GPHN: variants seen among roughly 807,000 people sequenced by gnomAD.
GPHN encodes gephyrin.
GPHN carries 17 observed loss-of-function variants against 95.5 expected under a neutral mutation model. That is an observed-to-expected ratio of 0.18 (90% CI 0.12 to 0.27). The LOEUF (loss-of-function observed/expected upper bound fraction) is 0.27. Ranked by LOEUF, GPHN falls within the 10% of genes least tolerant of loss-of-function variation. GPHN has a pLI of 1.00. For synonymous variants in GPHN, 320 were observed against 322.5 expected (o/e 0.99, Z 0.08); for missense variants, 660 against 978.1 (o/e 0.67, Z 4.34).
intron 1 of GPHN, among the ~76,000 whole-genome samples, chr14:66,557,007 G>A (rs1398755928): frequency 6.6e-6 from 1 of 151,838 alleles, no homozygotes; most frequent in African/African-American, 2.4e-5. Flanking sequence ...AGACCTGCTT[G>A]GCCAAGATGA....
At chr14:67,371,427 A>C in the GPHN span, among the ~76,000 whole-genome samples, 1 of 152,158 alleles carries the variant, frequency 6.6e-6, no homozygotes, top group Non-Finnish European at 1.5e-5. Context: ...CCCACCAAAA[A>C]AAAAAAAGTT....
the GPHN span, chr14:67,382,698 C>A: frequency 1.6e-6 from 2 of 1,286,984 alleles, no homozygotes; most frequent in African/African-American, 1.5e-5. Flanking sequence ...GTAGGATGGT[C>A]ATTCAGGCCT....
At chr14:66,840,396 T>A (rs1333034820) in intron 4 of GPHN, among the ~76,000 whole-genome samples, 1 of 152,182 alleles carries the variant, frequency 6.6e-6, no homozygotes, top group African/African-American at 2.4e-5. Context: ...AATTCTAGTC[T>A]ATCTTTGCTC....
intron 8 of GPHN, among the ~76,000 whole-genome samples, chr14:66,940,299 T>C (rs970184941): frequency 2.0e-5 from 3 of 151,958 alleles, no homozygotes; most frequent in African/African-American, 7.3e-5. Flanking sequence ...AGGATGCAAT[T>C]GAAAGGGATA....
At chr14:67,514,053 A>G in the GPHN span, among the ~76,000 whole-genome samples, 1 of 152,226 alleles carries the variant, frequency 6.6e-6, no homozygotes, top group Non-Finnish European at 1.5e-5. Context: ...AGCCACAGCA[A>G]TAGCTCACTT....
the GPHN span, among the ~76,000 whole-genome samples, chr14:67,210,496 C>T: frequency 1.6e-3 from 243 of 152,108 alleles, no homozygotes; most frequent in African/African-American, 5.5e-3. Context: ...GCTGGAAAAG[C>T]AAAATTCCAA....
At chr14:67,516,199 G>A in the GPHN span, among the ~76,000 whole-genome samples, 4 of 152,150 alleles carry the variant, frequency 2.6e-5, no homozygotes, top group Admixed American at 2.0e-4. Flanking sequence ...GCCCCCATTC[G>A]CACGCCAAGC....
At chr14:66,854,892 G>A (rs2062735444) in intron 4 of GPHN, among the ~76,000 whole-genome samples, 1 of 148,670 alleles carries the variant, frequency 6.7e-6, no homozygotes, top group African/African-American at 2.5e-5. Flanking sequence ...CTGTCACCCA[G>A]ACTGGAGTGC....
the GPHN span, among the ~76,000 whole-genome samples, chr14:67,273,029 G>C: frequency 1.3e-5 from 2 of 151,902 alleles, no homozygotes; most frequent in Admixed American, 6.6e-5. Flanking sequence ...CCTAGTTGAG[G>C]ACCGCATTTC....
chr14:66,970,018 G>C (rs920867448), intron 9 of GPHN, among the ~76,000 whole-genome samples: 1 of 150,094 alleles, frequency 6.7e-6, no homozygotes, highest in African/African-American at 2.4e-5. Context: ...ATAGTCTATA[G>C]TCACATATGT....
chr14:67,333,032 G>A, the GPHN span: 4 of 1,295,726 alleles, frequency 3.1e-6, no homozygotes, highest in African/African-American at 1.5e-5. Context: ...CGACACTGCA[G>A]CAAGATTGAG....
chr14:66,696,945 A>T (rs867842807), intron 2 of GPHN, among the ~76,000 whole-genome samples: 4 of 152,282 alleles, frequency 2.6e-5, no homozygotes, highest in African/African-American at 7.2e-5. Context: ...GTCACTTTTT[A>T]AAAAAGTCTG....
the GPHN span, among the ~76,000 whole-genome samples, chr14:67,480,376 C>T: frequency 6.6e-6 from 1 of 152,148 alleles, no homozygotes; most frequent in East Asian, 1.9e-4. Flanking sequence ...ACAGACATCC[C>T]GGGAGACTGA....
chr14:67,645,793 A>T, the GPHN span: 1 of 1,613,952 alleles, frequency 6.2e-7, no homozygotes, highest in Non-Finnish European at 8.5e-7. Flanking sequence ...TCAGAGAACT[A>T]CAGGATAAGG....
intron 4 of GPHN, among the ~76,000 whole-genome samples, chr14:66,839,152 A>C (rs2061976539): frequency 6.6e-6 from 1 of 152,226 alleles, no homozygotes; most frequent in Non-Finnish European, 1.5e-5. Context: ...AAAGATGCTG[A>C]GAAGAAAGAA....
At chr14:66,834,106 C>T (rs757079043) in intron 4 of GPHN, among the ~76,000 whole-genome samples, 5 of 152,134 alleles carry the variant, frequency 3.3e-5, no homozygotes, top group African/African-American at 9.7e-5. Context: ...ATAATTTCTA[C>T]CCACTTGTCC....
chr14:66,915,489 A>G (rs2065857682), intron 5 of GPHN, among the ~76,000 whole-genome samples: 2 of 152,168 alleles, frequency 1.3e-5, no homozygotes, highest in Non-Finnish European at 2.9e-5. Context: ...GCCTGTGATT[A>G]TCAGTGGGTC....
chr14:67,525,474 A>G, the GPHN span, among the ~76,000 whole-genome samples: 1 of 151,880 alleles, frequency 6.6e-6, no homozygotes, highest in Non-Finnish European at 1.5e-5. Flanking sequence ...CCCCTCTTTT[A>G]TTTTGCTGTT....
intron 4 of GPHN, among the ~76,000 whole-genome samples, chr14:66,855,554 A>C (rs1269359218): frequency 1.3e-5 from 2 of 152,070 alleles, no homozygotes; most frequent in Non-Finnish European, 2.9e-5. Flanking sequence ...GGTTGTTTTC[A>C]TCTTTTGGCT....
Sources: gnomAD v4.1 joint callset for allele counts (sites outside exome capture counted in the v4.1 genomes callset) on GRCh38, gnomAD v4.1.1 for gene constraint, MANE v1.5 for transcripts, NCBI Gene and HGNC (gene_info 2026-07-23, HGNC 2026-07-21) for gene names.